The following RAP1A variants were observed in gnomAD, a reference collection of about 807,000 sequenced individuals.
The protein encoded by RAP1A is ras-related protein Rap-1A.
A neutral mutation model predicts 26.4 loss-of-function variants in RAP1A; 6 were observed. The ratio of observed to expected loss-of-function variants is 0.23; its 90% CI spans 0.12 to 0.45. RAP1A has a LOEUF of 0.45. RAP1A is among the 20% of genes least tolerant of loss of function. RAP1A has a pLI of 0.99. For missense variants in RAP1A, 121 were observed against 217.2 expected (o/e 0.56, Z 2.78); for synonymous variants, 73 against 79.4 (o/e 0.92, Z 0.43).
At chr1:111,615,140 G>T (rs1375921254), upstream of RAP1A, among the ~76,000 whole-genome samples, 1 of 152,044 alleles carries the variant, frequency 6.6e-6, no homozygotes, top group Non-Finnish European at 1.5e-5. Flanking sequence ...ACATGTAAGG[G>T]TATAGTGAAA....
At chr1:111,644,036 A>G (rs1429990362) in intron 1 of RAP1A, among the ~76,000 whole-genome samples, 2 of 152,196 alleles carry the variant, frequency 1.3e-5, no homozygotes, top group Non-Finnish European at 2.9e-5. Flanking sequence ...GCCTACTCAC[A>G]TTATTGACGA....
chr1:111,652,712 A>T (rs1196902178), intron 1 of RAP1A, among the ~76,000 whole-genome samples: 3 of 152,140 alleles, frequency 2.0e-5, no homozygotes, highest in African/African-American at 7.2e-5. Context: ...GGAAAAAAGG[A>T]CAATAACAAG....
intron 1 of RAP1A, among the ~76,000 whole-genome samples, chr1:111,631,580 A>C (rs1659568660): frequency 6.6e-6 from 1 of 152,202 alleles, no homozygotes; most frequent in African/African-American, 2.4e-5. Flanking sequence ...CGTGGGTAGT[A>C]AACTTCCAGA....
chr1:111,577,498 A>G (rs1261472152), intron 1 of RAP1A, among the ~76,000 whole-genome samples: 1 of 151,858 alleles, frequency 6.6e-6, no homozygotes, highest in African/African-American at 2.4e-5. Flanking sequence ...TTTTGTAGAA[A>G]CATGAGTTTC....
chr1:111,543,182 T>G (rs1322221912), intron 1 of RAP1A, among the ~76,000 whole-genome samples: 1 of 152,140 alleles, frequency 6.6e-6, no homozygotes, highest in African/African-American at 2.4e-5. Flanking sequence ...AACTATGAAG[T>G]ATAGTTTTTA....
chr1:111,579,455 T>G (rs1245064891), intron 1 of RAP1A, among the ~76,000 whole-genome samples: 4 of 152,204 alleles, frequency 2.6e-5, no homozygotes, highest in African/African-American at 9.6e-5. Context: ...CTGAGCTATG[T>G]GCCAGGTACT....
chr1:111,628,536 T>C (rs1253906280), intron 1 of RAP1A, among the ~76,000 whole-genome samples: 1 of 152,136 alleles, frequency 6.6e-6, no homozygotes. Flanking sequence ...CAAGCTTTGG[T>C]ATGTGGAAAA....
chr1:111,621,942 A>G (rs915438119), intron 1 of RAP1A, among the ~76,000 whole-genome samples: 1 of 152,234 alleles, frequency 6.6e-6, no homozygotes, highest in Non-Finnish European at 1.5e-5. Context: ...AGGTATATTC[A>G]TATACGTTGT....
At chr1:111,579,568 C>G (rs1039929486) in intron 1 of RAP1A, among the ~76,000 whole-genome samples, 2 of 152,136 alleles carry the variant, frequency 1.3e-5, no homozygotes, top group African/African-American at 4.8e-5. Flanking sequence ...GAAGAATAAA[C>G]TCAGTCTTGC....
At chr1:111,579,944 C>T (rs1478840391) in intron 1 of RAP1A, among the ~76,000 whole-genome samples, 3 of 152,038 alleles carry the variant, frequency 2.0e-5, no homozygotes, top group African/African-American at 7.3e-5. Flanking sequence ...TGCACATCAC[C>T]ATGCATGTCT....
chr1:111,620,682 C>T (rs1659173313), intron 1 of RAP1A, among the ~76,000 whole-genome samples: 1 of 152,180 alleles, frequency 6.6e-6, no homozygotes, highest in Non-Finnish European at 1.5e-5. Context: ...ACCATGTGTT[C>T]GCCTTTTCAG....
chr1:111,677,315 G>A (rs963312759), intron 1 of RAP1A, among the ~76,000 whole-genome samples: 1 of 152,208 alleles, frequency 6.6e-6, no homozygotes, highest in East Asian at 1.9e-4. Flanking sequence ...AAAGACAGAA[G>A]TTGAAGTTAA....
intron 4 of RAP1A, among the ~76,000 whole-genome samples, chr1:111,698,718 G>A (rs370039360): frequency 9.9e-5 from 15 of 152,214 alleles, no homozygotes; most frequent in African/African-American, 3.6e-4. Flanking sequence ...TAATTATACT[G>A]TATTTTTCCA....
chr1:111,552,801 T>C (rs999583821), intron 1 of RAP1A, among the ~76,000 whole-genome samples: 9 of 152,226 alleles, frequency 5.9e-5, no homozygotes, highest in African/African-American at 2.2e-4. Flanking sequence ...TTTTAACATC[T>C]GTAAAATGGG....
At chr1:111,609,302 G>T (rs1571496111) in intron 1 of RAP1A, among the ~76,000 whole-genome samples, 3 of 152,218 alleles carry the variant, frequency 2.0e-5, no homozygotes, top group Admixed American at 2.0e-4. Context: ...GCCCAAGTGA[G>T]ACCTTCAATC....
intron 1 of RAP1A, among the ~76,000 whole-genome samples, chr1:111,574,707 G>A (rs191103967): frequency 6.6e-6 from 1 of 152,322 alleles, no homozygotes; most frequent in African/African-American, 2.4e-5. Context: ...GCTAAAACTA[G>A]TAAAGTCCCA....
upstream of RAP1A, among the ~76,000 whole-genome samples, chr1:111,616,042 A>T (rs1239613378): frequency 6.6e-6 from 1 of 152,152 alleles, no homozygotes; most frequent in Non-Finnish European, 1.5e-5. Flanking sequence ...TCGGTTTGGC[A>T]GCTGAGTGAC....
At chr1:111,566,011 A>C (rs920976994) in intron 1 of RAP1A, among the ~76,000 whole-genome samples, 4 of 152,066 alleles carry the variant, frequency 2.6e-5, no homozygotes, top group African/African-American at 9.7e-5. Context: ...CAAATAACTC[A>C]GAATGATGAG....
intron 1 of RAP1A, among the ~76,000 whole-genome samples, chr1:111,643,084 G>GT (rs1659946004): frequency 6.6e-6 from 1 of 152,002 alleles, no homozygotes; most frequent in Non-Finnish European, 1.5e-5. Flanking sequence ...AATTTTTTTT[G>GT]TAAGGGGCCA....
Sources: allele counts gnomAD v4.1 joint callset (sites outside exome capture counted in the v4.1 genomes callset), GRCh38; gene constraint gnomAD v4.1.1; transcripts MANE v1.5; gene names NCBI Gene and HGNC (gene_info 2026-07-23, HGNC 2026-07-21).